MREG: variants seen among roughly 807,000 people sequenced by gnomAD.
MREG encodes melanoregulin.
In MREG, 31 loss-of-function variants were observed where a neutral mutation model predicts 28.5. That is an observed-to-expected ratio of 1.09 (90% CI 0.82 to 1.47). The LOEUF (loss-of-function observed/expected upper bound fraction) is 1.47. MREG is among the 40% of genes most tolerant of loss of function. The pLI, the probability that MREG is intolerant of heterozygous loss-of-function variation, is 0.00. For missense variants in MREG, 256 were observed against 257.4 expected (o/e 0.99, Z 0.04); for synonymous variants, 106 against 95.2 (o/e 1.11, Z -0.66).
chr2:215,962,781 C>T (rs573747594), intron 2 of MREG, among the ~76,000 whole-genome samples: 16 of 150,854 alleles, frequency 1.1e-4, no homozygotes, highest in African/African-American at 3.0e-4. Context: ...AGCACCTCAA[C>T]GTAGCTGATC....
At chr2:216,017,134 C>T (rs1163679571), upstream of MREG, among the ~76,000 whole-genome samples, 1 of 152,122 alleles carries the variant, frequency 6.6e-6, no homozygotes, top group Non-Finnish European at 1.5e-5. Flanking sequence ...GATGTAGCAT[C>T]ATTGTGTGTG....
At chr2:215,997,657 T>C (rs1245266755) in intron 1 of MREG, among the ~76,000 whole-genome samples, 1 of 152,120 alleles carries the variant, frequency 6.6e-6, no homozygotes, top group Non-Finnish European at 1.5e-5. Context: ...TGCCATTAAG[T>C]GGGAGCTCAG....
chr2:216,005,375 GA>G (rs1694120882), intron 1 of MREG, among the ~76,000 whole-genome samples: 2 of 148,154 alleles, frequency 1.3e-5, no homozygotes, highest in Non-Finnish European at 3.0e-5. Context: ...TCAAGGAGGA[GA>G]TAAGGGGCTG....
chr2:216,006,048 A>C (rs1401270453), intron 1 of MREG, among the ~76,000 whole-genome samples: 1 of 152,222 alleles, frequency 6.6e-6, no homozygotes, highest in Non-Finnish European at 1.5e-5. Flanking sequence ...AAACTATTTT[A>C]CCCAGCATTT....
chr2:215,982,190 G>A (rs1693444670), intron 2 of MREG, among the ~76,000 whole-genome samples: 1 of 152,018 alleles, frequency 6.6e-6, no homozygotes, highest in Non-Finnish European at 1.5e-5. Context: ...ATGTGGTGGT[G>A]CATGCCTGTA....
intron 1 of MREG, among the ~76,000 whole-genome samples, chr2:216,007,870 G>A (rs1694202325): frequency 6.6e-6 from 1 of 151,974 alleles, no homozygotes; most frequent in Admixed American, 6.6e-5. Flanking sequence ...TAGGGTGTTG[G>A]CCATGAGTTC....
chr2:215,949,999 A>G (rs1231875552), intron 2 of MREG, among the ~76,000 whole-genome samples: 1 of 152,244 alleles, frequency 6.6e-6, no homozygotes, highest in Non-Finnish European at 1.5e-5. Flanking sequence ...AGGCAGAGCT[A>G]CACTGTGCTT....
chr2:215,979,974 CAAACAAAAAAAAA>C (rs1693375607), intron 2 of MREG, among the ~76,000 whole-genome samples: 2 of 24,588 alleles, frequency 8.1e-5, no homozygotes, highest in East Asian at 2.7e-3. Flanking sequence ...AAAAAACAAA[CAAACAAAAAAAAA>C]AAACAAAAAA....
chr2:215,964,862 GA>G (rs1692895617), intron 2 of MREG, among the ~76,000 whole-genome samples: 1 of 120,512 alleles, frequency 8.3e-6, no homozygotes, highest in Non-Finnish European at 1.7e-5. Context: ...TAGATAGATA[GA>G]TAGATAGATA....
chr2:215,948,386 C>T (rs541993813), intron 2 of MREG, among the ~76,000 whole-genome samples: 49 of 152,324 alleles, frequency 3.2e-4, no homozygotes, highest in African/African-American at 1.1e-3. Flanking sequence ...AACAATTTCT[C>T]CTGGTCCTCT....
At chr2:215,952,698 TCA>T (rs1157698141) in intron 2 of MREG, among the ~76,000 whole-genome samples, 2 of 151,970 alleles carry the variant, frequency 1.3e-5, no homozygotes, top group Non-Finnish European at 2.9e-5. Context: ...AATAATATAA[TCA>T]CATAGAAATA....
At chr2:216,022,578 C>A (rs1435341267) in intron 1 of MREG, among the ~76,000 whole-genome samples, 1 of 152,200 alleles carries the variant, frequency 6.6e-6, no homozygotes, top group Non-Finnish European at 1.5e-5. Flanking sequence ...ACAGCTAATT[C>A]TCCTGCCATA....
chr2:215,944,633 A>G lies in MREG; in HGVS notation c.*230T>C, dbSNP rs925868775. The G allele has an allele frequency of 1.9e-5, 7 of 370,850 alleles. No homozygotes were observed. The Admixed American group carries it at 2.4e-4, about 13-fold the overall frequency. The allele number at this position is 370,850 out of a possible 1,614,324, so 23.0% of individuals were successfully genotyped here. On this transcript the variant is annotated 3_prime_UTR_variant, in exon 5 of 5. Coordinates refer to ENST00000263268, the MANE Select transcript of MREG (RefSeq NM_018000.3). ...CCATTATGAACTATCCATCTGACCA[A>G]CTCTTTAACTTTCTTCCTAAATATG...
chr2:215,995,776 TTTAGAG>T (rs1478312791), intron 2 of MREG, among the ~76,000 whole-genome samples: 2 of 152,202 alleles, frequency 1.3e-5, no homozygotes, highest in African/African-American at 4.8e-5. Context: ...TCACTTTGGA[TTTAGAG>T]TTATTGTGAG....
At chr2:215,945,827 A>C in intron 3 of MREG, 93 bp from the exon 4 acceptor site, 3 of 1,086,630 alleles carry the variant, frequency 2.8e-6, no homozygotes, top group Non-Finnish European at 4.0e-6. Context: ...GAACAGACCC[A>C]TGTGGATTCT....
At chr2:215,946,689 A>G (rs1166589637) in intron 3 of MREG, among the ~76,000 whole-genome samples, 1 of 152,180 alleles carries the variant, frequency 6.6e-6, no homozygotes, top group Non-Finnish European at 1.5e-5. Context: ...AGCTATGACT[A>G]ATTGGCCAAC....
Position 215,943,474 on chromosome 2 carries a change from C to T in MREG, c.*1389G>A, listed in dbSNP as rs973858019. The T allele has an allele frequency of 2.2e-5, 10 of 456,622 alleles. No homozygotes were observed. The highest frequency in any genetic ancestry group is 4.4e-5 in the Non-Finnish European group (10 of 226,974). 28.3% of individuals were successfully genotyped at this position (456,622 alleles called of 1,614,324 possible). ...CAGGTGCAGCTGCCAGCCAACGAAT[C>T]AGAAACAGATGAAAGAGGAGAGAAG... On this transcript the variant is annotated 3_prime_UTR_variant, in exon 5 of 5. Coordinates refer to ENST00000263268, the MANE Select transcript of MREG (RefSeq NM_018000.3).
intron 2 of MREG, among the ~76,000 whole-genome samples, chr2:215,960,443 A>G (rs1184734102): frequency 6.6e-6 from 1 of 152,250 alleles, no homozygotes; most frequent in Non-Finnish European, 1.5e-5. Context: ...GCTGTGCTCG[A>G]GTGCCTATTG....
intron 2 of MREG, among the ~76,000 whole-genome samples, chr2:215,965,718 C>T (rs1692921418): frequency 2.0e-5 from 3 of 152,142 alleles, no homozygotes; most frequent in Admixed American, 2.0e-4. Context: ...TGAACAATTA[C>T]AGTCCTTTTT....
Sources: allele counts gnomAD v4.1 joint callset (sites outside exome capture counted in the v4.1 genomes callset), GRCh38; gene constraint gnomAD v4.1.1; transcripts MANE v1.5; gene names NCBI Gene and HGNC (gene_info 2026-07-23, HGNC 2026-07-21).